The following METTL8 variants were observed in gnomAD, a reference collection of about 807,000 sequenced individuals.
METTL8 encodes tRNA N(3)-cytidine methyltransferase METTL8, mitochondrial.
A neutral mutation model predicts 48.7 loss-of-function variants in METTL8; 32 were observed. The ratio of observed to expected loss-of-function variants is 0.66; its 90% CI spans 0.50 to 0.88. The LOEUF (loss-of-function observed/expected upper bound fraction) is 0.88. Ranked by LOEUF, METTL8 falls within the 40% of genes least tolerant of loss-of-function variation. The pLI is 0.00. For missense variants in METTL8, 464 were observed against 474.4 expected, an observed-to-expected ratio of 0.98 and a Z score of 0.20; for synonymous variants, 136 against 157.1, an observed-to-expected ratio of 0.87 and a Z score of 1.01.
chr2:171,344,615 T>C (rs1056045827), intron 3 of METTL8, among the ~76,000 whole-genome samples: 1 of 152,218 alleles, frequency 6.6e-6, no homozygotes, highest in African/African-American at 2.4e-5. Flanking sequence ...ATATAAACCA[T>C]GCAGTTATAT....
intron 1 of METTL8, among the ~76,000 whole-genome samples, chr2:171,418,430 TA>T (rs1691537991): frequency 6.6e-6 from 1 of 152,084 alleles, no homozygotes; most frequent in Non-Finnish European, 1.5e-5. Context: ...AGCCCACATT[TA>T]AAAAGTGGGC....
At chr2:171,414,442 A>G (rs1457349032) in intron 1 of METTL8, among the ~76,000 whole-genome samples, 1 of 151,636 alleles carries the variant, frequency 6.6e-6, no homozygotes, top group Non-Finnish European at 1.5e-5. Flanking sequence ...ACATCTTGCT[A>G]AAGGCTGGCC....
chr2:171,349,316 C>A (rs998920006), intron 3 of METTL8, among the ~76,000 whole-genome samples: 4 of 152,140 alleles, frequency 2.6e-5, no homozygotes, highest in Non-Finnish European at 4.4e-5. Flanking sequence ...CCTAAATTTT[C>A]TTAATATTTC....
At position 171,414,335 on chromosome 2, in the gene METTL8, T is replaced by C. The variant is rs961043125; in HGVS notation, c.-13+19548A>G. Among the ~76,000 whole-genome samples the C allele has an allele frequency of 7.0e-4, 106 of 151,130 alleles. 2 individuals are homozygous for C. Among genetic ancestry groups the C allele is most frequent in the Admixed American group, 6.9e-3 (104 of 15,180 alleles). On this transcript the variant is annotated intron_variant, in intron 1 of 9. Coordinates refer to ENST00000375258, the MANE Select transcript of METTL8 (RefSeq NM_001321154.2). ...GAGAGGCTGAGGCAGGAGAATTGCT[T>C]GAACCCGGGAGGCGGAGGATGCGGT...
chr2:171,381,711 G>T (rs116210181), intron 2 of METTL8, among the ~76,000 whole-genome samples: 1 of 151,496 alleles, frequency 6.6e-6, no homozygotes, highest in African/African-American at 2.4e-5. Flanking sequence ...ATCATCTCAC[G>T]AGAGTCGGAA....
intron 1 of METTL8, among the ~76,000 whole-genome samples, chr2:171,419,335 TG>T (rs2105649998): frequency 6.6e-6 from 1 of 152,332 alleles, no homozygotes; most frequent in African/African-American, 2.4e-5. Flanking sequence ...TGTTTCTATA[TG>T]CATTCATCTG....
At chr2:171,354,012 C>T (rs1170918560) in intron 3 of METTL8, among the ~76,000 whole-genome samples, 1 of 152,124 alleles carries the variant, frequency 6.6e-6, no homozygotes, top group Non-Finnish European at 1.5e-5. Flanking sequence ...ATGATGTTAG[C>T]TGGTTATTTT....
At chr2:171,373,305 T>G (rs1156511301) in intron 2 of METTL8, among the ~76,000 whole-genome samples, 3 of 152,228 alleles carry the variant, frequency 2.0e-5, no homozygotes, top group Non-Finnish European at 4.4e-5. Context: ...TCTGTTCATA[T>G]CCTTTGCCCA....
chr2:171,358,770 T>A (rs1344007167), intron 3 of METTL8, among the ~76,000 whole-genome samples: 1 of 152,166 alleles, frequency 6.6e-6, no homozygotes, highest in Admixed American at 6.5e-5. Flanking sequence ...TATTTTGTCA[T>A]TTGTCAAAAG....
chr2:171,368,974 C>A (rs1424808663), intron 2 of METTL8, among the ~76,000 whole-genome samples: 3 of 151,692 alleles, frequency 2.0e-5, no homozygotes, highest in African/African-American at 2.4e-5. Context: ...AGTGTAATAT[C>A]AAAAAAAACC....
At chr2:171,385,336 CA>C (rs201042982) in intron 2 of METTL8, among the ~76,000 whole-genome samples, 5,855 of 96,022 alleles carry the variant, frequency 0.061, 330 homozygotes, top group African/African-American at 0.18. Flanking sequence ...GACCCTGTCT[CA>C]AAAAAAAAAA....
chr2:171,350,775 C>T (rs1359023203), intron 3 of METTL8, among the ~76,000 whole-genome samples: 1 of 152,180 alleles, frequency 6.6e-6, no homozygotes, highest in Non-Finnish European at 1.5e-5. Context: ...TGAGAAGTGT[C>T]TATTCATATC....
At chr2:171,429,806 G>A (rs1692798355) in intron 1 of METTL8, among the ~76,000 whole-genome samples, 1 of 152,090 alleles carries the variant, frequency 6.6e-6, no homozygotes, top group Non-Finnish European at 1.5e-5. Context: ...TTGGGAGGCA[G>A]ACGCAGGCAG....
chr2:171,404,618 T>G (rs1320000870), intron 1 of METTL8, among the ~76,000 whole-genome samples: 1 of 152,126 alleles, frequency 6.6e-6, no homozygotes, highest in South Asian at 2.1e-4. Context: ...AGTGGGTAAA[T>G]GAACCATGGA....
intron 3 of METTL8, among the ~76,000 whole-genome samples, chr2:171,359,251 C>A (rs540129053): frequency 6.6e-6 from 1 of 150,748 alleles, no homozygotes; most frequent in East Asian, 1.9e-4. Context: ...AACAGCTATA[C>A]GAAAAAATGC....
intron 2 of METTL8, among the ~76,000 whole-genome samples, chr2:171,378,557 G>A (rs549111597): frequency 6.6e-6 from 1 of 152,088 alleles, no homozygotes; most frequent in Non-Finnish European, 1.5e-5. Flanking sequence ...GCTTGAACCC[G>A]GGAGGTGGAG....
intron 3 of METTL8, among the ~76,000 whole-genome samples, chr2:171,352,786 T>C (rs1193266483): frequency 6.6e-6 from 1 of 152,234 alleles, no homozygotes; most frequent in Non-Finnish European, 1.5e-5. Context: ...CTGATGGTAG[T>C]TTGTATTTCT....
intron 1 of METTL8, among the ~76,000 whole-genome samples, chr2:171,395,057 G>A (rs1021662551): frequency 2.6e-5 from 4 of 152,152 alleles, no homozygotes; most frequent in African/African-American, 7.2e-5. Context: ...AGAAGGGCAG[G>A]GCCAGCCCCA....
At chr2:171,351,067 G>T (rs1281603856) in intron 3 of METTL8, among the ~76,000 whole-genome samples, 1 of 152,168 alleles carries the variant, frequency 6.6e-6, no homozygotes, top group Non-Finnish European at 1.5e-5. Flanking sequence ...GTATTGCCTA[G>T]GTTTTCTTCT....
Sources: gnomAD v4.1 joint callset for allele counts (sites outside exome capture counted in the v4.1 genomes callset) on GRCh38, gnomAD v4.1.1 for gene constraint, MANE v1.5 for transcripts, NCBI Gene and HGNC (gene_info 2026-07-23, HGNC 2026-07-21) for gene names.